Variants in CADM2 observed in about 807,000 individuals in gnomAD.
CADM2 encodes the protein immunoglobulin superfamily member 4D.
CADM2 carries 12 observed loss-of-function variants against 49.8 expected under a neutral mutation model. The ratio of observed to expected loss-of-function variants is 0.24; its 90% CI spans 0.15 to 0.39. The LOEUF is 0.39. CADM2 is among the 10% of genes least tolerant of loss of function. The probability of loss-of-function intolerance (pLI) is 1.00; values close to 1 mark genes in which losing one functional copy is unlikely to be tolerated. For synonymous variants in CADM2, 214 were observed against 175.4 expected (o/e 1.22, Z -1.74); for missense variants, 378 against 492.3 (o/e 0.77, Z 2.20).
chr3:85,169,873 C>T (rs1214142544), intron 1 of CADM2, among the ~76,000 whole-genome samples: 1 of 152,184 alleles, frequency 6.6e-6, no homozygotes, highest in African/African-American at 2.4e-5. Flanking sequence ...GAAAACAGCT[C>T]ATCAAACCAC....
At chr3:85,476,523 T>C (rs554962589) in intron 1 of CADM2, among the ~76,000 whole-genome samples, 1 of 152,008 alleles carries the variant, frequency 6.6e-6, no homozygotes, top group Admixed American at 6.6e-5. Flanking sequence ...ATTTTGTTTC[T>C]AATTCACTCT....
chr3:85,515,560 TTACAGGAGAGTGCCACCACGCCC>T (rs2060875060), intron 1 of CADM2, among the ~76,000 whole-genome samples: 2 of 144,538 alleles, frequency 1.4e-5, no homozygotes, highest in Non-Finnish European at 3.0e-5. Context: ...GTAGCTGGGA[TTACAGGAGAGTGCCACCACGCCC>T]TACAGGAGAG....
At chr3:85,160,484 A>G (rs2107666406) in intron 1 of CADM2, among the ~76,000 whole-genome samples, 1 of 152,292 alleles carries the variant, frequency 6.6e-6, no homozygotes, top group Non-Finnish European at 1.5e-5. Flanking sequence ...GCCTTCATTC[A>G]CATCTACAGT....
At chr3:85,685,215 A>T (rs1260445065) in intron 1 of CADM2, among the ~76,000 whole-genome samples, 2 of 152,218 alleles carry the variant, frequency 1.3e-5, no homozygotes, top group Non-Finnish European at 2.9e-5. Flanking sequence ...TCAGTAATTT[A>T]TTTCAGACCC....
chr3:85,137,170 G>A (rs1458340085), intron 1 of CADM2, among the ~76,000 whole-genome samples: 1 of 151,350 alleles, frequency 6.6e-6, no homozygotes, highest in Non-Finnish European at 1.5e-5. Context: ...TCAATGAAGT[G>A]GATTTCATTT....
intron 1 of CADM2, among the ~76,000 whole-genome samples, chr3:85,624,493 C>T (rs768357218): frequency 1.9e-4 from 29 of 151,922 alleles, no homozygotes; most frequent in Non-Finnish European, 3.7e-4. Flanking sequence ...CCACCACACC[C>T]GGCTAATTTT....
intron 8 of CADM2, chr3:86,014,780 A>G: frequency 6.8e-7 from 1 of 1,475,820 alleles, no homozygotes; most frequent in East Asian, 2.3e-5. Flanking sequence ...GGAGAATCAA[A>G]TAGAAACACA....
chr3:85,418,215 T>C, intron 1 of CADM2, among the ~76,000 whole-genome samples: 1 of 98,892 alleles, frequency 1.0e-5, no homozygotes, highest in African/African-American at 3.0e-5. Flanking sequence ...TAATGGTAGC[T>C]ACCTATCATA....
chr3:85,455,703 C>T (rs1339156513), intron 1 of CADM2, among the ~76,000 whole-genome samples: 1 of 152,084 alleles, frequency 6.6e-6, no homozygotes. Context: ...AAAGGGCCTT[C>T]TCAGCAGAAG....
At chr3:85,910,317 G>A (rs4488844) in intron 5 of CADM2, among the ~76,000 whole-genome samples, 100,223 of 151,936 alleles carry the variant, frequency 0.66, 33,659 homozygotes, top group African/African-American at 0.78. Flanking sequence ...ACAAGTAAAC[G>A]TTGGGCATAG....
chr3:85,947,586 G>T (rs137898328), intron 7 of CADM2, among the ~76,000 whole-genome samples: 1,782 of 151,360 alleles, frequency 0.012, 36 homozygotes, highest in African/African-American at 0.039. Context: ...TCCATAATGA[G>T]TTTCTTTTCT....
At chr3:85,311,566 C>A (rs1289651120) in intron 1 of CADM2, among the ~76,000 whole-genome samples, 1 of 151,792 alleles carries the variant, frequency 6.6e-6, no homozygotes, top group African/African-American at 2.4e-5. Context: ...TTAGTAGAAA[C>A]GGGGTTTCAC....
intron 8 of CADM2, among the ~76,000 whole-genome samples, chr3:86,041,500 G>C (rs892306512): frequency 6.6e-6 from 1 of 152,120 alleles, no homozygotes; most frequent in Non-Finnish European, 1.5e-5. Context: ...ATTACATAAT[G>C]GTAAAGGGAT....
At chr3:84,969,485 A>C (rs1190099882) in intron 1 of CADM2, among the ~76,000 whole-genome samples, 1 of 149,052 alleles carries the variant, frequency 6.7e-6, no homozygotes, top group Non-Finnish European at 1.5e-5. Flanking sequence ...TAGTATTTTG[A>C]CTAATCGAAT....
chr3:85,424,186 A>G (rs2036295480), intron 1 of CADM2, among the ~76,000 whole-genome samples: 1 of 152,086 alleles, frequency 6.6e-6, no homozygotes, highest in African/African-American at 2.4e-5. Flanking sequence ...CATTTCACAC[A>G]TTTAAAATGT....
chr3:86,001,833 A>G (rs1299253795), intron 8 of CADM2, among the ~76,000 whole-genome samples: 2 of 152,158 alleles, frequency 1.3e-5, no homozygotes, highest in East Asian at 1.9e-4. Flanking sequence ...AGAAAAATAT[A>G]CAAATCTGGA....
At chr3:85,180,943 A>G (rs2040920420) in intron 1 of CADM2, among the ~76,000 whole-genome samples, 1 of 152,142 alleles carries the variant, frequency 6.6e-6, no homozygotes, top group Non-Finnish European at 1.5e-5. Flanking sequence ...ATTAGTCCCT[A>G]AAGGAGAATG....
intron 7 of CADM2, among the ~76,000 whole-genome samples, chr3:85,955,400 C>A (rs1405248408): frequency 6.6e-6 from 1 of 151,422 alleles, no homozygotes; most frequent in Non-Finnish European, 1.5e-5. Context: ...CAGGAAGATT[C>A]TTTTCCTAGG....
In CADM2 at chr3:85,867,631, A is replaced by G. The variant is rs1236182351; in HGVS notation, c.239-15660A>G. Reference sequence around the variant, plus strand: ...CTACATCTGTGTAATATGTAAATCAAGCATAGTGAATGTTATTATTTTATC... The same window carrying G: ...CTACATCTGTGTAATATGTAAATCAGGCATAGTGAATGTTATTATTTTATC... On this transcript the variant is annotated intron_variant, in intron 3 of 9. Transcript: ENST00000383699. Among the ~76,000 whole-genome samples the G allele has an allele frequency of 2.7e-5, 4 of 146,332 alleles. No homozygotes were observed. The East Asian group carries it at 8.1e-4, about 30-fold the overall frequency.
Sources: allele counts gnomAD v4.1 joint callset (sites outside exome capture counted in the v4.1 genomes callset), GRCh38; gene constraint gnomAD v4.1.1; transcripts MANE v1.5; gene names NCBI Gene and HGNC (gene_info 2026-07-23, HGNC 2026-07-21).